HADH: variants seen among roughly 807,000 people sequenced by gnomAD.
HADH encodes the protein hydroxyacyl-CoA dehydrogenase, also known as hydroxyacyl-coenzyme A dehydrogenase, mitochondrial.
In HADH, 24 loss-of-function variants were observed where a neutral mutation model predicts 32.2. The ratio of observed to expected loss-of-function variants is 0.75; its 90% CI spans 0.54 to 1.05. HADH has a LOEUF of 1.05. HADH is among the 50% of genes least tolerant of loss of function. HADH has a pLI of 0.00. For missense variants in HADH, 350 were observed against 397.1 expected, an observed-to-expected ratio of 0.88 and a Z score of 1.01; for synonymous variants, 139 against 152.5, an observed-to-expected ratio of 0.91 and a Z score of 0.65.
At chr4:108,021,370 A>G (rs1340688812) in intron 4 of HADH, among the ~76,000 whole-genome samples, 1 of 152,156 alleles carries the variant, frequency 6.6e-6, no homozygotes, top group Non-Finnish European at 1.5e-5. Context: ...AGCAAATGCT[A>G]CTATTTTTTA....
chr4:108,034,454 C>T lies in HADH; in HGVS notation c.*97C>T. On this transcript the variant is annotated 3_prime_UTR_variant, in exon 8 of 8. Transcript: ENST00000309522. Reference sequence around the variant, plus strand: ...AATGCTCTTTGGTCAGACATTCCCTCACACAGTACAGTTTAATAAATGTGC... The same window carrying T: ...AATGCTCTTTGGTCAGACATTCCCTTACACAGTACAGTTTAATAAATGTGC... 1.3e-6 allele frequency: 1 copy of T among 781,732 alleles called. No homozygotes were observed. Among genetic ancestry groups the T allele is most frequent in the South Asian group, 1.4e-5 (1 of 73,892 alleles). 48.4% of individuals were successfully genotyped at this position (781,732 alleles called of 1,614,324 possible).
chr4:108,010,412 G>T (rs1227516392), intron 2 of HADH, among the ~76,000 whole-genome samples: 1 of 42,612 alleles, frequency 2.3e-5, no homozygotes. Context: ...TGGTGACTAA[G>T]GGCCATGCTG....
At chr4:108,032,233 C>T in intron 6 of HADH, 1 of 684,574 alleles carries the variant, frequency 1.5e-6, no homozygotes, top group Non-Finnish European at 2.6e-6. Context: ...AGAAAGGGAA[C>T]AGATTGTTCT....
intron 6 of HADH, chr4:108,028,791 C>G (rs1736154973): frequency 2.5e-6 from 1 of 397,652 alleles, no homozygotes; most frequent in African/African-American, 2.1e-5. Context: ...TAGAATGTAG[C>G]ATGTGAGAGA....
At chr4:108,027,272 T>G in intron 5 of HADH, 1 of 338,376 alleles carries the variant, frequency 3.0e-6, no homozygotes, top group Non-Finnish European at 5.8e-6. Context: ...GTGTACAGCA[T>G]TTTATGTGTT....
chr4:108,005,392 G>A (rs1735262526), intron 1 of HADH: 1 of 160,536 alleles, frequency 6.2e-6, no homozygotes, highest in African/African-American at 2.4e-5. Flanking sequence ...AAGAAAAATG[G>A]TGGGAGAATG....
At chr4:107,998,730 G>GT (rs946710486) in intron 1 of HADH, among the ~76,000 whole-genome samples, 27 of 150,632 alleles carry the variant, frequency 1.8e-4, no homozygotes, top group South Asian at 6.4e-4. Flanking sequence ...TTGTTTTTTT[G>GT]TTTTTTTTTC....
intron 1 of HADH, among the ~76,000 whole-genome samples, chr4:108,000,510 C>T (rs921595006): frequency 2.0e-5 from 3 of 152,196 alleles, no homozygotes; most frequent in Admixed American, 6.5e-5. Flanking sequence ...GGGGACTGGG[C>T]TGCCATTACA....
At chr4:108,022,165 A>ATGTG (rs771719177) in intron 4 of HADH, among the ~76,000 whole-genome samples, 2,137 of 121,134 alleles carry the variant, frequency 0.018, 35 homozygotes, top group African/African-American at 0.039. Flanking sequence ...TTACATATAT[A>ATGTG]TATGTGTGTG....
At chr4:108,001,845 A>G (rs554594925) in intron 1 of HADH, among the ~76,000 whole-genome samples, 3 of 152,310 alleles carry the variant, frequency 2.0e-5, no homozygotes, top group South Asian at 4.1e-4. Context: ...ATATTTTTGG[A>G]CCATAGTTGA....
chr4:107,990,100 G>A (rs767443792), intron 1 of HADH, 36 bp downstream of exon 1: 1 of 1,582,230 alleles, frequency 6.3e-7, no homozygotes, highest in South Asian at 1.2e-5. Context: ...CCACGCGCTT[G>A]GCCGCCCACC....
At chr4:107,995,711 G>A (rs1734935829) in intron 1 of HADH, among the ~76,000 whole-genome samples, 2 of 152,144 alleles carry the variant, frequency 1.3e-5, no homozygotes, top group African/African-American at 4.8e-5. Flanking sequence ...CAGAGCTGGG[G>A]TTAGAACTTG....
chr4:108,013,080 C>T (rs1038413799), intron 2 of HADH, among the ~76,000 whole-genome samples: 1 of 152,176 alleles, frequency 6.6e-6, no homozygotes, highest in South Asian at 2.1e-4. Context: ...CTGCAGGCGC[C>T]CGCTACCACG....
intron 7 of HADH, 50 bp from the exon 8 acceptor site, chr4:108,034,188 TA>T (rs752981632): frequency 1.2e-5 from 15 of 1,233,668 alleles, no homozygotes; most frequent in Admixed American, 6.7e-5. Context: ...TGCCAAGATG[TA>T]AAAATAAACC....
intron 3 of HADH, among the ~76,000 whole-genome samples, chr4:108,016,910 A>G (rs1264426447): frequency 1.3e-5 from 2 of 152,204 alleles, no homozygotes; most frequent in African/African-American, 4.8e-5. Flanking sequence ...CATTTAGCTC[A>G]CATTTCCTGA....
intron 1 of HADH, chr4:108,004,719 G>T: frequency 6.5e-7 from 1 of 1,532,160 alleles, no homozygotes; most frequent in South Asian, 1.2e-5. Context: ...AAGGAATGAA[G>T]AGAGAAGTTA....
intron 5 of HADH, chr4:108,025,536 TAATA>T (rs1348668461): frequency 1.3e-5 from 2 of 152,184 alleles, no homozygotes; most frequent in Non-Finnish European, 2.9e-5. Flanking sequence ...AAAATGTGTT[TAATA>T]AATAATCTGA....
chr4:108,022,142 TG>T (rs1193494187), intron 4 of HADH, among the ~76,000 whole-genome samples: 1 of 151,488 alleles, frequency 6.6e-6, no homozygotes, highest in African/African-American at 2.4e-5. Context: ...AGTTCTTTAC[TG>T]GCCTTTACAT....
At chr4:108,014,288 T>G in intron 2 of HADH, 143 bp from the exon 3 acceptor site, 2 of 826,976 alleles carry the variant, frequency 2.4e-6, no homozygotes, top group Non-Finnish European at 4.1e-6. Context: ...ATTACAGGCT[T>G]CGTGGACACT....
Sources: allele counts gnomAD v4.1 joint callset (sites outside exome capture counted in the v4.1 genomes callset), GRCh38; gene constraint gnomAD v4.1.1; transcripts MANE v1.5; gene names NCBI Gene and HGNC (gene_info 2026-07-23, HGNC 2026-07-21).